Variants in CREBBP observed in about 807,000 individuals in gnomAD.
CREBBP encodes CREB-binding protein.
CREBBP carries 19 observed loss-of-function variants against 265.0 expected under a neutral mutation model. That is an observed-to-expected ratio of 0.07 (90% CI 0.05 to 0.11). The LOEUF (loss-of-function observed/expected upper bound fraction) is 0.11, where lower values mean the gene tolerates loss of function less well. Ranked by LOEUF, CREBBP falls within the 10% of genes least tolerant of loss-of-function variation. The pLI, the probability that CREBBP is intolerant of heterozygous loss-of-function variation, is 1.00. For synonymous variants in CREBBP, 1,457 were observed against 1,223.7 expected (o/e 1.19, Z -3.98); for missense variants, 2,525 against 3,219.0 (o/e 0.78, Z 5.22).
intron 22 of CREBBP, 58 bp from the exon 23 acceptor site, chr16:3,745,019 A>G (rs2052307740): frequency 7.8e-7 from 1 of 1,274,832 alleles, no homozygotes; most frequent in Non-Finnish European, 1.1e-6. Context: ...TGTCAAACCA[A>G]CAAAATGCAG....
intron 1 of CREBBP, among the ~76,000 whole-genome samples, chr16:3,867,696 C>A (rs2055204597): frequency 6.8e-6 from 1 of 148,020 alleles, no homozygotes; most frequent in African/African-American, 2.5e-5. Flanking sequence ...GGTTGAAGGA[C>A]TGCTTGAGCC....
intron 28 of CREBBP, among the ~76,000 whole-genome samples, chr16:3,732,531 A>G (rs1045734996): frequency 1.3e-5 from 2 of 152,166 alleles, no homozygotes; most frequent in Non-Finnish European, 2.9e-5. Flanking sequence ...GAAAGAACGC[A>G]GGATTACCAC....
Position 3,781,287 on chromosome 16 carries a change from A to G in CREBBP, c.1593T>C (p.Ile531=), listed in dbSNP as rs1002653503. 1 of 1,613,726 alleles carries G rather than the reference A, an allele frequency of 6.2e-7. No homozygotes were observed. Among genetic ancestry groups the G allele is most frequent in the African/African-American group, 1.3e-5 (1 of 74,910 alleles). Residue 531 remains isoleucine (I), a synonymous_variant, in exon 7 of 31, where the codon ATT becomes ATC. Coordinates refer to ENST00000262367, the MANE Select transcript of CREBBP (RefSeq NM_004380.3). ...GATCTGTTGTTATTCCTCCTGCTGGAATGTTCATTGGATTATTTCCTTTAA... is the reference window on the plus strand; with the variant it reads ...GATCTGTTGTTATTCCTCCTGCTGGGATGTTCATTGGATTATTTCCTTTAA... ...LNPLGNNPMN[I]PAGGITTDQQ...
At chr16:3,861,987 C>T (rs913780640) in intron 1 of CREBBP, among the ~76,000 whole-genome samples, 1 of 152,156 alleles carries the variant, frequency 6.6e-6, no homozygotes, top group Non-Finnish European at 1.5e-5. Context: ...AGCCCCCACC[C>T]TCTCCTCCCC....
chr16:3,793,126 C>T (rs1311326326), intron 4 of CREBBP, among the ~76,000 whole-genome samples: 1 of 152,226 alleles, frequency 6.6e-6, no homozygotes, highest in African/African-American at 2.4e-5. Context: ...AGGAAAAGAA[C>T]AAATACGGGG....
chr16:3,749,735 G>T, intron 20 of CREBBP, 52 bp from the exon 21 acceptor site: 1 of 1,215,200 alleles, frequency 8.2e-7, no homozygotes, highest in Non-Finnish European at 1.2e-6. Flanking sequence ...TATCTGTTGA[G>T]TATAAACTAT....
Position 3,727,910 on chromosome 16 carries a change from C to G in CREBBP, c.7137G>C (p.Gln2379His), listed in dbSNP as rs1181420977. ...PQPSPHHVSP[Q>H]TGSPHPGLAV... is the part of the protein sequence containing the mutation. ...CGAGTCCGGGGTGGGGGGAACCAGT[C>G]TGGGGTGAGACGTGGTGTGGCGAAG... The change falls in exon 31 of 31, where the codon CAG (glutamine) becomes CAC (histidine). Residue 2379 changes from glutamine (Q) to histidine (H), a missense_variant. Physicochemically the swap from Gln to His is conservative, Grantham distance 24. Around this residue, in one of 19 missense-constraint regions of CREBBP, gnomAD observed 473 missense variants for 459.3 expected, o/e 1.03. Coordinates refer to ENST00000262367, the MANE Select transcript of CREBBP (RefSeq NM_004380.3). 2.5e-6 allele frequency: 4 copies of G among 1,611,980 alleles called. No homozygotes were observed. The highest frequency in any genetic ancestry group is 3.4e-6 in the Non-Finnish European group (4 of 1,178,806).
At chr16:3,800,887 G>A (rs2053699387) in intron 3 of CREBBP, among the ~76,000 whole-genome samples, 1 of 152,210 alleles carries the variant, frequency 6.6e-6, no homozygotes, top group Admixed American at 6.5e-5. Context: ...AGGAACAAGT[G>A]TAAGGGCCAT....
intron 1 of CREBBP, among the ~76,000 whole-genome samples, chr16:3,867,147 C>A (rs1212078834): frequency 6.6e-6 from 1 of 152,064 alleles, no homozygotes; most frequent in Non-Finnish European, 1.5e-5. Context: ...GTAATAAAAA[C>A]CAGAAGTTTT....
intron 5 of CREBBP, among the ~76,000 whole-genome samples, chr16:3,784,108 T>C (rs751417013): frequency 3.3e-5 from 5 of 152,232 alleles, no homozygotes; most frequent in East Asian, 1.9e-4. Context: ...GTTGTTGCTA[T>C]AACACACCAT....
intron 3 of CREBBP, among the ~76,000 whole-genome samples, chr16:3,806,877 C>T (rs1014972370): frequency 3.3e-5 from 5 of 152,132 alleles, no homozygotes; most frequent in Admixed American, 2.0e-4. Context: ...CAAGCCAGTG[C>T]TGTCCCAATA....
chr16:3,749,448 G>A (rs1024963448), intron 21 of CREBBP, among the ~76,000 whole-genome samples, 179 bp downstream of exon 21: 2 of 152,144 alleles, frequency 1.3e-5, no homozygotes, highest in African/African-American at 2.4e-5. Context: ...ATGTTACAGA[G>A]ACATACATAT....
intron 28 of CREBBP, 77 bp from the exon 29 acceptor site, chr16:3,732,014 T>A (rs2151320224): frequency 6.2e-7 from 1 of 1,611,412 alleles, no homozygotes; most frequent in South Asian, 1.1e-5. Flanking sequence ...TCCCAGGCCG[T>A]GGGCATCAGG....
At chr16:3,815,942 A>G (rs2054029805) in intron 2 of CREBBP, among the ~76,000 whole-genome samples, 1 of 152,168 alleles carries the variant, frequency 6.6e-6, no homozygotes, top group Non-Finnish European at 1.5e-5. Context: ...AAATTAAAAA[A>G]GCAGAACAGA....
chr16:3,864,825 G>C (rs920766709), intron 1 of CREBBP, among the ~76,000 whole-genome samples: 15 of 152,332 alleles, frequency 9.8e-5, no homozygotes, highest in African/African-American at 3.6e-4. Context: ...CCAGCACTGT[G>C]GGAGGCCAAG....
chr16:3,786,400 G>GT (rs1238754719), intron 5 of CREBBP, among the ~76,000 whole-genome samples: 2 of 152,062 alleles, frequency 1.3e-5, no homozygotes, highest in Admixed American at 1.3e-4. Context: ...CCACTAAGAG[G>GT]TTTTCTGTAC....
chr16:3,820,448 T>C (rs1487975633), intron 2 of CREBBP, among the ~76,000 whole-genome samples: 1 of 152,176 alleles, frequency 6.6e-6, no homozygotes, highest in East Asian at 1.9e-4. Context: ...ATTGAAGTCT[T>C]ATGTGCTGCC....
chr16:3,863,805 G>A (rs1362696781), intron 1 of CREBBP, among the ~76,000 whole-genome samples: 2 of 152,162 alleles, frequency 1.3e-5, no homozygotes, highest in Non-Finnish European at 1.5e-5. Context: ...CAGCCCTGAA[G>A]GGTGGGGACA....
chr16:3,776,610 G>A (rs536770975), intron 11 of CREBBP, among the ~76,000 whole-genome samples: 1 of 152,246 alleles, frequency 6.6e-6, no homozygotes, highest in African/African-American at 2.4e-5. Context: ...TGTCTTGCAT[G>A]CTTCTCCTTC....
Sources: gnomAD v4.1 joint callset for allele counts (sites outside exome capture counted in the v4.1 genomes callset) on GRCh38, gnomAD v4.1.1 for gene constraint, gnomAD v4.1.1 regional missense constraint, MANE v1.5 for transcripts, NCBI Gene and HGNC (gene_info 2026-07-23, HGNC 2026-07-21) for gene names.